ST3GAL6: variants seen among roughly 807,000 people sequenced by gnomAD.
ST3GAL6 encodes type 2 lactosamine alpha-2,3-sialyltransferase.
Under a neutral mutation model 40.5 loss-of-function variants are expected in ST3GAL6, and 31 were observed. The ratio of observed to expected loss-of-function variants is 0.77; its 90% CI spans 0.58 to 1.03. ST3GAL6 has a LOEUF of 1.03. Ranked by LOEUF, ST3GAL6 falls within the 50% of genes least tolerant of loss-of-function variation. The probability of loss-of-function intolerance (pLI) is 0.00; values close to 1 mark genes in which losing one functional copy is unlikely to be tolerated. For missense variants in ST3GAL6, 357 were observed against 393.2 expected (o/e 0.91, Z 0.78); for synonymous variants, 129 against 136.9 (o/e 0.94, Z 0.40).
At chr3:98,776,594 C>G (rs1939573602) in intron 5 of ST3GAL6, among the ~76,000 whole-genome samples, 1 of 152,140 alleles carries the variant, frequency 6.6e-6, no homozygotes, top group African/African-American at 2.4e-5. Context: ...GGATTACTTT[C>G]AAGTTACTTT....
In ST3GAL6 at chr3:98,744,469, G is replaced by A. The variant is rs1162871346; in HGVS notation, c.-12+11937G>A. Among the ~76,000 whole-genome samples the A allele has an allele frequency of 3.3e-5, 5 of 152,280 alleles. No individual in the cohort carries two copies. In the East Asian group the frequency reaches 9.7e-4, roughly 29 times the overall value. On this transcript the variant is annotated intron_variant, in intron 1 of 9. Transcript: ENST00000265261. ...AACTGACTCAAAAACTGCCTCTCTT[G>A]CTTCTGCTTACTCCCTGTCTGTGAT...
At chr3:98,779,912 G>C (rs1235054447) in intron 5 of ST3GAL6, among the ~76,000 whole-genome samples, 1 of 152,230 alleles carries the variant, frequency 6.6e-6, no homozygotes, top group African/African-American at 2.4e-5. Flanking sequence ...GAATCAGGAA[G>C]TGTTGTAGAT....
Position 98,745,222 on chromosome 3 carries a change from C to T in ST3GAL6, c.-12+12690C>T, listed in dbSNP as rs190534685. On this transcript the variant is annotated intron_variant, in intron 1 of 9. Coordinates refer to the ST3GAL6 transcript ENST00000265261. Reference sequence around the variant, plus strand: ...CTAATTTTTGTATTTTTAGTAGAGACGGGGTTTCACCATGTTGGTCAGGTT... The same window carrying T: ...CTAATTTTTGTATTTTTAGTAGAGATGGGGTTTCACCATGTTGGTCAGGTT... Among the ~76,000 whole-genome samples, 955 of 152,112 alleles carry T rather than the reference C, an allele frequency of 6.3e-3. 11 individuals carry two copies. Among genetic ancestry groups the T allele is most frequent in the Non-Finnish European group, 9.8e-3 (663 of 67,980 alleles).
intron 1 of ST3GAL6, among the ~76,000 whole-genome samples, chr3:98,742,667 C>T (rs1576028027): frequency 6.6e-6 from 1 of 151,594 alleles, no homozygotes; most frequent in African/African-American, 2.4e-5. Flanking sequence ...GACTTCTTGG[C>T]CCTTATATTT....
intron 1 of ST3GAL6, among the ~76,000 whole-genome samples, chr3:98,747,280 T>A (rs897055483): frequency 6.6e-6 from 1 of 152,242 alleles, no homozygotes; most frequent in African/African-American, 2.4e-5. Context: ...TGTTTTGTTT[T>A]CAACAGCGTT....
intron 9 of ST3GAL6, 89 bp from the exon 10 acceptor site, chr3:98,793,586 G>A (rs987027533): frequency 1.1e-5 from 8 of 747,716 alleles, no homozygotes; most frequent in African/African-American, 3.6e-5. Context: ...TTCTTTATTC[G>A]GATTTTTTTA....
At chr3:98,773,877 A>G (rs1189259981) in intron 4 of ST3GAL6, 43 bp from the exon 5 acceptor site, 10 of 1,553,524 alleles carry the variant, frequency 6.4e-6, no homozygotes, top group Non-Finnish European at 8.0e-6. Context: ...TACTAAAAAG[A>G]CATGATTATC....
At chr3:98,778,631 G>GA (rs1939779651) in intron 5 of ST3GAL6, among the ~76,000 whole-genome samples, 1 of 152,304 alleles carries the variant, frequency 6.6e-6, no homozygotes, top group African/African-American at 2.4e-5. Context: ...TTTGCCAAAG[G>GA]AAATGGTCTC....
intron 5 of ST3GAL6, among the ~76,000 whole-genome samples, chr3:98,779,871 A>G (rs961142884): frequency 6.6e-6 from 1 of 152,240 alleles, no homozygotes; most frequent in African/African-American, 2.4e-5. Context: ...TAATGTAACA[A>G]CCAAACTGAA....
chr3:98,742,075 C>T (rs571456960), intron 1 of ST3GAL6, among the ~76,000 whole-genome samples: 166 of 152,286 alleles, frequency 1.1e-3, no homozygotes, highest in Non-Finnish European at 1.8e-3. Context: ...TTCACAGCTT[C>T]ATTTTACACA....
chr3:98,788,476 C>A lies in ST3GAL6; in HGVS notation c.756+13C>A. 3 of 1,595,956 alleles carry A rather than the reference C, an allele frequency of 1.9e-6. No homozygotes were observed. The highest frequency in any genetic ancestry group is 1.7e-6 in the Non-Finnish European group (2 of 1,172,600). Reference sequence around the variant, plus strand: ...TCCCAAAAATCAGGTATGTATTTATCTCTGCATGGTTTCAAACTACAGATC... The same window carrying A: ...TCCCAAAAATCAGGTATGTATTTATATCTGCATGGTTTCAAACTACAGATC... On this transcript the variant is annotated intron_variant, in intron 8 of 9. Coordinates refer to ENST00000483910, the MANE Select transcript of ST3GAL6 (RefSeq NM_001323368.2).
intron 1 of ST3GAL6, among the ~76,000 whole-genome samples, chr3:98,745,772 G>A (rs1936493701): frequency 6.6e-6 from 1 of 152,122 alleles, no homozygotes; most frequent in Non-Finnish European, 1.5e-5. Flanking sequence ...TTGGAGGAGG[G>A]AGTTTTAGGC....
At position 98,743,694 on chromosome 3, in the gene ST3GAL6, G is replaced by A. The variant is rs566196380; in HGVS notation, c.-12+11162G>A. ...AGGACAATACAGGCCCTCCAGAAGG[G>A]TACCATGTGTTCCCACCCAGTCACT... On this transcript the variant is annotated intron_variant, in intron 1 of 9. Transcript: ENST00000265261. Among the ~76,000 whole-genome samples, 3 of 152,252 alleles carry A rather than the reference G, an allele frequency of 2.0e-5. No individual in the cohort carries two copies. In the South Asian group the frequency reaches 6.2e-4, roughly 32 times the overall value.
chr3:98,752,227 G>A (rs59211970), intron 1 of ST3GAL6, among the ~76,000 whole-genome samples: 129 of 152,142 alleles, frequency 8.5e-4, no homozygotes, highest in African/African-American at 3.1e-3. Flanking sequence ...TACGGGCATG[G>A]CTCATTTTAT....
At chr3:98,739,924 T>A (rs1935918998) in intron 1 of ST3GAL6, among the ~76,000 whole-genome samples, 1 of 152,212 alleles carries the variant, frequency 6.6e-6, no homozygotes. Flanking sequence ...TAATCTTATT[T>A]AATTGATAGG....
chr3:98,742,395 T>G (rs1220549531), intron 1 of ST3GAL6, among the ~76,000 whole-genome samples: 2 of 152,200 alleles, frequency 1.3e-5, no homozygotes, highest in Non-Finnish European at 2.9e-5. Context: ...CCGCAAGAGC[T>G]TAAAATTCCC....
chr3:98,761,043 C>T (rs1937702850), upstream of ST3GAL6, among the ~76,000 whole-genome samples: 1 of 152,026 alleles, frequency 6.6e-6, no homozygotes, highest in South Asian at 2.1e-4. Flanking sequence ...GATCAGGCTG[C>T]TAGGGGCCAG....
chr3:98,757,982 G>A (rs770036283), intron 1 of ST3GAL6, among the ~76,000 whole-genome samples: 56 of 152,000 alleles, frequency 3.7e-4, no homozygotes, highest in Admixed American at 7.9e-4. Context: ...GACTACAGGC[G>A]TGCACCACCA....
upstream of ST3GAL6, chr3:98,762,954 G>T (rs985602076): frequency 9.1e-6 from 9 of 985,312 alleles, no homozygotes; most frequent in African/African-American, 7.0e-5. Flanking sequence ...GCCAGAGGTT[G>T]TAGATCCTTG....
Sources: allele counts gnomAD v4.1 joint callset (sites outside exome capture counted in the v4.1 genomes callset), GRCh38; gene constraint gnomAD v4.1.1; transcripts MANE v1.5; gene names NCBI Gene and HGNC (gene_info 2026-07-23, HGNC 2026-07-21).